SLC2A2: variants seen among roughly 807,000 people sequenced by gnomAD.
SLC2A2 encodes solute carrier family 2, facilitated glucose transporter member 2.
A neutral mutation model predicts 54.5 loss-of-function variants in SLC2A2; 36 were observed. The observed-to-expected ratio is 0.66, with a 90% CI of 0.51 to 0.87. The LOEUF (loss-of-function observed/expected upper bound fraction) is 0.87, where lower values mean the gene tolerates loss of function less well. Among genes scored for constraint, SLC2A2 ranks in the 40% least tolerant of loss-of-function variants. The probability of loss-of-function intolerance (pLI) is 0.00; values close to 1 mark genes in which losing one functional copy is unlikely to be tolerated. For synonymous variants in SLC2A2, 223 were observed against 219.1 expected, an observed-to-expected ratio of 1.02 and a Z score of -0.16; for missense variants, 543 against 624.3, an observed-to-expected ratio of 0.87 and a Z score of 1.39.
intron 1 of SLC2A2, among the ~76,000 whole-genome samples, chr3:171,023,976 T>G (rs1328581286): frequency 6.6e-6 from 1 of 152,168 alleles, no homozygotes; most frequent in African/African-American, 2.4e-5. Flanking sequence ...AGCAAATGGC[T>G]GAACTTCAAC....
intron 3 of SLC2A2, among the ~76,000 whole-genome samples, chr3:171,013,074 G>C (rs868756798): frequency 6.6e-6 from 1 of 152,088 alleles, no homozygotes; most frequent in Non-Finnish European, 1.5e-5. Context: ...ATGAGAAGTA[G>C]TATAAAATAT....
chr3:171,003,307 C>T (rs1014838886), intron 7 of SLC2A2, among the ~76,000 whole-genome samples: 4 of 151,788 alleles, frequency 2.6e-5, no homozygotes, highest in African/African-American at 7.3e-5. Flanking sequence ...TAATATACCA[C>T]GATTTACTAC....
At chr3:171,013,568 T>A (rs1319364130) in intron 3 of SLC2A2, among the ~76,000 whole-genome samples, 1 of 152,146 alleles carries the variant, frequency 6.6e-6, no homozygotes, top group African/African-American at 2.4e-5. Context: ...CTAAAAATTA[T>A]AATTTATAAT....
intron 1 of SLC2A2, among the ~76,000 whole-genome samples, chr3:171,020,992 T>C (rs1053055716): frequency 6.6e-6 from 1 of 151,720 alleles, no homozygotes; most frequent in South Asian, 2.1e-4. Flanking sequence ...ATTTTATGTT[T>C]ATTACACGTG....
intron 4 of SLC2A2, among the ~76,000 whole-genome samples, chr3:171,008,679 A>C (rs1715734051): frequency 6.6e-6 from 1 of 152,064 alleles, no homozygotes; most frequent in African/African-American, 2.4e-5. Context: ...AGAGAAAAGA[A>C]AGAAGAATCA....
At chr3:171,005,097 T>C (rs752078533) in intron 7 of SLC2A2, among the ~76,000 whole-genome samples, 188 bp downstream of exon 7, 1 of 152,032 alleles carries the variant, frequency 6.6e-6, no homozygotes, top group Non-Finnish European at 1.5e-5. Context: ...TTTAAAAAAT[T>C]GTTAAGTAAT....
chr3:171,013,190 G>A (rs1472080221), intron 3 of SLC2A2, among the ~76,000 whole-genome samples: 1 of 151,544 alleles, frequency 6.6e-6, no homozygotes, highest in Non-Finnish European at 1.5e-5. Flanking sequence ...TTTTCCTTTT[G>A]TCTGAGCCCA....
chr3:171,011,309 G>T (rs1449435872), intron 3 of SLC2A2, among the ~76,000 whole-genome samples: 1 of 152,096 alleles, frequency 6.6e-6, no homozygotes, highest in Admixed American at 6.6e-5. Context: ...ATCCAATGAT[G>T]TAATCACAAA....
intron 3 of SLC2A2, among the ~76,000 whole-genome samples, chr3:171,012,983 T>C (rs1715961753): frequency 6.6e-6 from 1 of 152,186 alleles, no homozygotes; most frequent in African/African-American, 2.4e-5. Flanking sequence ...ACTAATTAAA[T>C]GTTTTAGGTT....
intron 8 of SLC2A2, among the ~76,000 whole-genome samples, chr3:171,000,522 A>G (rs1715290032): frequency 6.7e-6 from 1 of 149,400 alleles, no homozygotes; most frequent in Non-Finnish European, 1.5e-5. Flanking sequence ...CCCAATTAGA[A>G]CGCTCATCTT....
chr3:171,020,141 T>C (rs1358791579), intron 1 of SLC2A2, among the ~76,000 whole-genome samples: 3 of 152,132 alleles, frequency 2.0e-5, no homozygotes, highest in Non-Finnish European at 4.4e-5. Context: ...TGTGGGGTGA[T>C]AGTAAATCTC....
In SLC2A2 at chr3:171,014,710, G is replaced by T; in HGVS notation, c.130C>A (p.His44Asn). The T allele has an allele frequency of 6.2e-7, 1 of 1,612,700 alleles. No homozygotes were observed. Among genetic ancestry groups the T allele is most frequent in the East Asian group, 2.2e-5 (1 of 44,878 alleles). The change falls in exon 3 of 11, where the codon CAT (histidine) becomes AAT (asparagine). Residue 44 changes from histidine to asparagine, a missense_variant. Around this residue, in one of 3 missense-constraint regions of SLC2A2, gnomAD observed 318 missense variants for 343.8 expected, o/e 0.93. Coordinates refer to ENST00000314251, the MANE Select transcript of SLC2A2 (RefSeq NM_000340.2). ...PQQVIISHYR[H>N]VLGVPLDDRK... Reference sequence around the variant, plus strand: ...TCATCCAGTGGAACACCCAAAACATGTCTATAGTGAGATATTATTACCTAG... The same window carrying T: ...TCATCCAGTGGAACACCCAAAACATTTCTATAGTGAGATATTATTACCTAG...
At chr3:171,024,818 G>A (rs1716611380) in intron 1 of SLC2A2, among the ~76,000 whole-genome samples, 1 of 152,126 alleles carries the variant, frequency 6.6e-6, no homozygotes, top group Non-Finnish European at 1.5e-5. Flanking sequence ...TTCTTTCAAA[G>A]TCTGGATAGA....
intron 4 of SLC2A2, among the ~76,000 whole-genome samples, chr3:171,007,904 A>T (rs1336717012): frequency 6.6e-6 from 1 of 152,212 alleles, no homozygotes; most frequent in African/African-American, 2.4e-5. Flanking sequence ...TAGGCTTCGA[A>T]AAAATTTTAT....
chr3:171,025,346 C>A (rs1337713884), intron 1 of SLC2A2, among the ~76,000 whole-genome samples: 4 of 114,888 alleles, frequency 3.5e-5, no homozygotes, highest in African/African-American at 1.5e-4. Flanking sequence ...TTTATAAATA[C>A]TATTTAAATA....
rs899205656 is a variant in SLC2A2, at chr3:170,997,235, A to G, written c.*668T>C. The G allele has an allele frequency of 6.6e-6, 1 of 152,340 alleles. No homozygotes were observed. The highest frequency in any genetic ancestry group is 2.1e-4 in the South Asian group (1 of 4,836). 9.4% of individuals were successfully genotyped at this position (152,340 alleles called of 1,614,324 possible). ...TAAATCTTGCAAAAACCATTTGGCC[A>G]TTAAATAAAGGAACTAAAATGGTTT... On this transcript the variant is annotated 3_prime_UTR_variant, in exon 11 of 11. Coordinates refer to ENST00000314251, the MANE Select transcript of SLC2A2 (RefSeq NM_000340.2).
chr3:171,001,724 T>A (rs927494616), intron 8 of SLC2A2, among the ~76,000 whole-genome samples: 1 of 151,954 alleles, frequency 6.6e-6, no homozygotes, highest in Admixed American at 6.6e-5. Flanking sequence ...AGTTTTTGTC[T>A]TTATTGTTGT....
At chr3:171,017,741 G>A (rs756927761) in intron 2 of SLC2A2, among the ~76,000 whole-genome samples, 2 of 152,148 alleles carry the variant, frequency 1.3e-5, no homozygotes, top group African/African-American at 4.8e-5. Context: ...GAGCAGAGGG[G>A]AATGAAGTCC....
intron 9 of SLC2A2, 74 bp from the exon 10 acceptor site, chr3:170,998,470 G>C (rs1264987032): frequency 8.7e-7 from 1 of 1,146,532 alleles, no homozygotes; most frequent in African/African-American, 1.5e-5. Context: ...AGTAGCCTCT[G>C]AGTTCACAGG....
Sources: allele counts gnomAD v4.1 joint callset (sites outside exome capture counted in the v4.1 genomes callset), GRCh38; gene constraint gnomAD v4.1.1; regional missense constraint gnomAD v4.1.1; transcripts MANE v1.5; gene names NCBI Gene and HGNC (gene_info 2026-07-23, HGNC 2026-07-21).